SVEP1: variants seen among roughly 807,000 people sequenced by gnomAD.
SVEP1 encodes sushi, von Willebrand factor type A, EGF and pentraxin domain containing 1, also known as sushi, von Willebrand factor type A, EGF and pentraxin domain-containing protein 1.
In SVEP1, 164 loss-of-function variants were observed where a neutral mutation model predicts 367.3. That is an observed-to-expected ratio of 0.45 (90% CI 0.39 to 0.51). The LOEUF is 0.51. Ranked by LOEUF, SVEP1 falls within the 20% of genes least tolerant of loss-of-function variation. The pLI, the probability that SVEP1 is intolerant of heterozygous loss-of-function variation, is 0.00. For synonymous variants in SVEP1, 1,666 were observed against 1,611.6 expected (o/e 1.03, Z -0.81); for missense variants, 4,117 against 4,425.3 (o/e 0.93, Z 1.98).
intron 1 of SVEP1, among the ~76,000 whole-genome samples, chr9:110,565,835 T>G (rs183295268): frequency 6.6e-6 from 1 of 152,188 alleles, no homozygotes; most frequent in Admixed American, 6.5e-5. Flanking sequence ...TGTATCAGTG[T>G]GTCTTGCATC....
In SVEP1 at chr9:110,406,938, GCA is replaced by G; in HGVS notation, c.8660_8661del (p.Val2887AlafsTer58). On this transcript the variant is annotated frameshift_variant, in exon 38 of 48. Transcript: ENST00000374469. LOFTEE classifies it high-confidence loss of function. ...GSWSGATPDC[V>X]PVRCATPPQL... ...TGTGGCGGGGTGGCACATCTGACAG[GCA>G]CACAGTCGGGAGTGGCTCCACTCCA... The G allele has an allele frequency of 1.2e-6, 2 of 1,613,778 alleles. No homozygotes were observed. The highest frequency in any genetic ancestry group is 1.7e-6 in the Non-Finnish European group (2 of 1,179,846).
chr9:110,454,876 G>A (rs1381512312), intron 22 of SVEP1, among the ~76,000 whole-genome samples: 2 of 152,082 alleles, frequency 1.3e-5, no homozygotes, highest in African/African-American at 4.8e-5. Flanking sequence ...CTGGGTGATG[G>A]AATTATCTGT....
chr9:110,465,676 G>C lies in SVEP1; in HGVS notation c.3322+189C>G, dbSNP rs182716821. Among the ~76,000 whole-genome samples the C allele has an allele frequency of 7.8e-4, 118 of 152,214 alleles. 1 individual carries two copies. Among genetic ancestry groups the C allele is most frequent in the African/African-American group, 2.5e-3 (102 of 41,532 alleles). On this transcript the variant is annotated intron_variant, in intron 18 of 47. Transcript: ENST00000374469. ...AACCCAGCCCGGTGTTTACACGGCAGGTATTTATACCTAAGTGTTAACTGG... is the reference window on the plus strand; with the variant it reads ...AACCCAGCCCGGTGTTTACACGGCACGTATTTATACCTAAGTGTTAACTGG...
Position 110,503,078 on chromosome 9 carries a change from T to A in SVEP1, c.1443A>T (p.Gln481His). 1.2e-6 allele frequency: 2 copies of A among 1,609,460 alleles called. No individual in the cohort carries two copies. The highest frequency in any genetic ancestry group is 2.2e-5 in the South Asian group (2 of 90,974). Reference sequence around the variant, plus strand: ...CTGGCCCATCCCACTGGCTGTTTCCTTGACAAGTAAGCTTATCACTGCCTT... The same window carrying A: ...CTGGCCCATCCCACTGGCTGTTTCCATGACAAGTAAGCTTATCACTGCCTT... ...RLEGSDKLTCQGNSQWDGPEP... is the reference protein window; with the variant it reads ...RLEGSDKLTCHGNSQWDGPEP... Residue 481 changes from glutamine (Q) to histidine (H), a missense_variant, in exon 6 of 48, where the codon CAA (glutamine) becomes CAT (histidine). By Grantham distance (24) the Gln-to-His change is conservative (BLOSUM62 0). Transcript: ENST00000374469.
chr9:110,412,246 G>A (rs1366047484), intron 36 of SVEP1, among the ~76,000 whole-genome samples: 1 of 152,110 alleles, frequency 6.6e-6, no homozygotes, highest in Non-Finnish European at 1.5e-5. Context: ...TTGTTCTTAA[G>A]CTACAATGTA....
intron 46 of SVEP1, among the ~76,000 whole-genome samples, chr9:110,372,409 G>C (rs374640196): frequency 6.6e-6 from 1 of 152,178 alleles, no homozygotes; most frequent in East Asian, 1.9e-4. Context: ...TTAGTACTTA[G>C]GGGTGTAACT....
chr9:110,486,459 T>C (rs1365214884), intron 9 of SVEP1, among the ~76,000 whole-genome samples: 1 of 152,172 alleles, frequency 6.6e-6, no homozygotes, highest in African/African-American at 2.4e-5. Flanking sequence ...GGCTTGACTC[T>C]CATTTATCAT....
intron 29 of SVEP1, 113 bp downstream of exon 29, chr9:110,435,128 A>T: frequency 8.2e-7 from 1 of 1,214,432 alleles, no homozygotes; most frequent in Admixed American, 3.4e-5. Context: ...CAAAAAGTAG[A>T]TTGACAGTCA....
At chr9:110,374,653 A>AAAAAC (rs10587715) in intron 46 of SVEP1, among the ~76,000 whole-genome samples, 13 of 151,654 alleles carry the variant, frequency 8.6e-5, no homozygotes, top group African/African-American at 2.4e-4. Flanking sequence ...TCTGTTCTCA[A>AAAAAC]AAAACAAAAC....
At position 110,408,723 on chromosome 9, in the gene SVEP1, C is replaced by A. The variant is rs1320270782; in HGVS notation, c.6877G>T (p.Gly2293Cys). ...GSKVQFFCNEGYELVGDSSWT... is the reference protein window; with the variant it reads ...GSKVQFFCNECYELVGDSSWT... ...GAACTGTCACCAACAAGCTCATAACCCTCATTACAGAAAAACTGAACCTTG... is the reference window on the plus strand; with the variant it reads ...GAACTGTCACCAACAAGCTCATAACACTCATTACAGAAAAACTGAACCTTG... The change falls in exon 38 of 48, where the codon GGT becomes TGT. Residue 2293 changes from glycine (G) to cysteine (C), a missense_variant. By Grantham distance (159) the Gly-to-Cys change is radical. Transcript: ENST00000374469. 3.1e-6 allele frequency: 5 copies of A among 1,613,958 alleles called. No homozygotes were observed. Among genetic ancestry groups the A allele is most frequent in the South Asian group, 1.1e-5 (1 of 91,074 alleles).
intron 9 of SVEP1, among the ~76,000 whole-genome samples, chr9:110,488,016 A>G (rs995398116): frequency 6.6e-6 from 1 of 152,206 alleles, no homozygotes; most frequent in Admixed American, 6.5e-5. Flanking sequence ...AACCAGGCTC[A>G]AAAGATTTCA....
chr9:110,493,816 TG>T (rs1171539706), intron 8 of SVEP1, among the ~76,000 whole-genome samples: 3 of 152,114 alleles, frequency 2.0e-5, no homozygotes, highest in African/African-American at 7.2e-5. Flanking sequence ...GAGACACTGA[TG>T]GGTCTTACAG....
intron 11 of SVEP1, 94 bp from the exon 12 acceptor site, chr9:110,481,530 CCTGTCTA>C (rs3841727): frequency 0.19 from 167,785 of 872,460 alleles, 18,798 homozygotes; most frequent in African/African-American, 0.41. Flanking sequence ...AAGGACTCCT[CCTGTCTA>C]TCGCTATTTC....
chr9:110,492,783 A>G (rs571317885), intron 8 of SVEP1, among the ~76,000 whole-genome samples: 38 of 152,230 alleles, frequency 2.5e-4, no homozygotes, highest in Non-Finnish European at 5.1e-4. Flanking sequence ...TGCCTACAGA[A>G]AAGGAGACCA....
intron 3 of SVEP1, among the ~76,000 whole-genome samples, chr9:110,541,492 C>T (rs1303897462): frequency 1.3e-5 from 2 of 152,054 alleles, no homozygotes; most frequent in East Asian, 3.9e-4. Context: ...AGGATAATAC[C>T]CCTAGTCTAG....
At chr9:110,405,928 A>AT (rs1564132868) in intron 38 of SVEP1, among the ~76,000 whole-genome samples, 2 of 152,232 alleles carry the variant, frequency 1.3e-5, no homozygotes, top group Non-Finnish European at 2.9e-5. Context: ...AGAATATGAT[A>AT]GTCATGATAA....
intron 39 of SVEP1, among the ~76,000 whole-genome samples, chr9:110,402,579 A>C (rs186357960): frequency 1.3e-4 from 20 of 152,292 alleles, no homozygotes; most frequent in Admixed American, 1.0e-3. Context: ...GTGAAAAATA[A>C]ATTATTGACT....
intron 3 of SVEP1, among the ~76,000 whole-genome samples, chr9:110,541,728 A>AATCTATATACATATCTACATAC (rs1434913238): frequency 6.6e-6 from 1 of 150,734 alleles, no homozygotes; most frequent in Admixed American, 6.6e-5. Context: ...ACACACATGC[A>AATCTATATACATATCTACATAC]ATCTATATAC....
chr9:110,394,469 C>G (rs535022422), intron 40 of SVEP1, among the ~76,000 whole-genome samples: 270 of 152,272 alleles, frequency 1.8e-3, no homozygotes, highest in African/African-American at 6.2e-3. Flanking sequence ...AGGAACGCAG[C>G]TCCTCACCAG....
Sources: allele counts gnomAD v4.1 joint callset (sites outside exome capture counted in the v4.1 genomes callset), GRCh38; gene constraint gnomAD v4.1.1; transcripts MANE v1.5; gene names NCBI Gene and HGNC (gene_info 2026-07-23, HGNC 2026-07-21).